Variants in GALNT13 observed in about 807,000 individuals in gnomAD.
The protein encoded by GALNT13 is polypeptide N-acetylgalactosaminyltransferase 13, also known as UDP-GalNAc:polypeptide N-acetylgalactosaminyltransferase 13.
In GALNT13, 28 loss-of-function variants were observed where a neutral mutation model predicts 64.2. That is an observed-to-expected ratio of 0.44 (90% CI 0.32 to 0.60). The LOEUF (loss-of-function observed/expected upper bound fraction) is 0.60. Among genes scored for constraint, GALNT13 ranks in the 20% least tolerant of loss-of-function variants. GALNT13 has a pLI of 0.05. For missense variants in GALNT13, 577 were observed against 669.8 expected (o/e 0.86, Z 1.53); for synonymous variants, 214 against 224.6 (o/e 0.95, Z 0.42).
At chr2:153,884,730 C>G (rs1248496447) in intron 1 of GALNT13, among the ~76,000 whole-genome samples, 2 of 146,906 alleles carry the variant, frequency 1.4e-5, no homozygotes, top group Non-Finnish European at 3.0e-5. Context: ...ACCAGCCTGG[C>G]CAACATGGTG....
intron 3 of GALNT13, among the ~76,000 whole-genome samples, chr2:153,964,086 G>A (rs768837623): frequency 6.6e-5 from 10 of 151,790 alleles, no homozygotes; most frequent in Non-Finnish European, 1.3e-4. Flanking sequence ...CCCCCCAAAA[G>A]AAACCCTCCA....
In GALNT13 at chr2:154,315,127, A is replaced by G. The variant is rs561935226; in HGVS notation, c.1156+13538A>G. Among the ~76,000 whole-genome samples, 125 of 152,312 alleles carry G rather than the reference A, an allele frequency of 8.2e-4. 1 individual carries two copies. Among genetic ancestry groups the G allele is most frequent in the Non-Finnish European group, 1.7e-3 (116 of 68,022 alleles). Reference sequence around the variant, plus strand: ...CCCTTTAAAATAGTCACTTATAAAAACAAAACAAACAAACAAACATACCAC... The same window carrying G: ...CCCTTTAAAATAGTCACTTATAAAAGCAAAACAAACAAACAAACATACCAC... On this transcript the variant is annotated intron_variant, in intron 9 of 12. Coordinates refer to ENST00000392825, the MANE Select transcript of GALNT13 (RefSeq NM_052917.4).
intron 4 of GALNT13, among the ~76,000 whole-genome samples, chr2:154,162,698 T>C (rs183583466): frequency 5.6e-4 from 85 of 152,328 alleles, no homozygotes; most frequent in African/African-American, 1.9e-3. Context: ...TTAAATACTG[T>C]AAGATTTTTA....
At position 154,199,696 on chromosome 2, in the gene GALNT13, C is replaced by T. The variant is rs1242281910; in HGVS notation, c.312-42334C>T. Among the ~76,000 whole-genome samples the T allele has an allele frequency of 1.3e-5, 2 of 151,886 alleles. 1 individual carries two copies. Among genetic ancestry groups the T allele is most frequent in the Middle Eastern group, 6.3e-3 (2 of 316 alleles). On this transcript the variant is annotated intron_variant, in intron 4 of 12. Transcript: ENST00000392825. The stretch of plus-strand genomic sequence containing the variant: ...TAAAAAAACAGTCTTATAATTATGT[C>T]ATAAAATTTGATTAGGGACATAAAA...
the GALNT13 span, among the ~76,000 whole-genome samples, chr2:153,145,611 A>G: frequency 2.6e-5 from 4 of 151,902 alleles, no homozygotes; most frequent in African/African-American, 9.7e-5. Flanking sequence ...GTGTGTGACT[A>G]TCAGGCACCT....
At chr2:154,021,289 G>A (rs866189312) in intron 3 of GALNT13, among the ~76,000 whole-genome samples, 65 of 152,230 alleles carry the variant, frequency 4.3e-4, no homozygotes, top group African/African-American at 1.4e-3. Context: ...AATTACCTTG[G>A]GCAGTATGGC....
At chr2:153,548,748 T>A in the GALNT13 span, among the ~76,000 whole-genome samples, 4 of 152,118 alleles carry the variant, frequency 2.6e-5, no homozygotes, top group Non-Finnish European at 5.9e-5. Context: ...TAATAGTATA[T>A]CAAGACTCAG....
intron 3 of GALNT13, among the ~76,000 whole-genome samples, chr2:153,997,846 A>G (rs1461127985): frequency 1.3e-5 from 2 of 151,786 alleles, no homozygotes; most frequent in Admixed American, 6.6e-5. Context: ...CCCTGTGTCC[A>G]TGTGTTCTCA....
chr2:154,092,419 T>C (rs1250390791), intron 3 of GALNT13, among the ~76,000 whole-genome samples: 2 of 152,044 alleles, frequency 1.3e-5, no homozygotes, highest in African/African-American at 4.8e-5. Flanking sequence ...AAATGAGATG[T>C]GCAAAATGCC....
chr2:153,316,083 A>G, the GALNT13 span, among the ~76,000 whole-genome samples: 1 of 152,026 alleles, frequency 6.6e-6, no homozygotes, highest in African/African-American at 2.4e-5. Flanking sequence ...GACATATCCC[A>G]CGGAGTAGTG....
At chr2:154,205,051 A>G (rs1024502899) in intron 4 of GALNT13, among the ~76,000 whole-genome samples, 3 of 152,182 alleles carry the variant, frequency 2.0e-5, no homozygotes, top group African/African-American at 4.8e-5. Flanking sequence ...AGATGAATAT[A>G]TGAAAGATGT....
At chr2:154,110,926 G>T (rs1055944319) in intron 3 of GALNT13, among the ~76,000 whole-genome samples, 1 of 151,958 alleles carries the variant, frequency 6.6e-6, no homozygotes, top group African/African-American at 2.4e-5. Context: ...CATCAATCCG[G>T]AACCCAAATA....
chr2:153,927,520 A>G (rs865842644), intron 2 of GALNT13, among the ~76,000 whole-genome samples: 5 of 151,946 alleles, frequency 3.3e-5, no homozygotes, highest in Admixed American at 2.0e-4. Context: ...ACTCCATTAT[A>G]TTAGTTGCTT....
At chr2:153,391,366 A>G in the GALNT13 span, among the ~76,000 whole-genome samples, 2 of 152,208 alleles carry the variant, frequency 1.3e-5, no homozygotes, top group South Asian at 2.1e-4. Flanking sequence ...ATGGGGGTAC[A>G]GTCAGTCGAG....
the GALNT13 span, among the ~76,000 whole-genome samples, chr2:153,150,452 T>G: frequency 6.6e-6 from 1 of 152,150 alleles, no homozygotes; most frequent in African/African-American, 2.4e-5. Flanking sequence ...TAGTTTCTTT[T>G]GCTGTGCAGA....
At chr2:153,799,851 G>C in the GALNT13 span, among the ~76,000 whole-genome samples, 1 of 152,106 alleles carries the variant, frequency 6.6e-6, no homozygotes, top group African/African-American at 2.4e-5. Context: ...CCTGAAATGA[G>C]GAAATGGAAC....
downstream of GALNT13, among the ~76,000 whole-genome samples, chr2:154,454,220 T>TAAG (rs1252009033): frequency 6.6e-6 from 1 of 152,158 alleles, no homozygotes; most frequent in Non-Finnish European, 1.5e-5. Context: ...TTATAGATAA[T>TAAG]AAGACTGAAA....
the GALNT13 span, among the ~76,000 whole-genome samples, chr2:153,647,512 T>C: frequency 8.5e-5 from 13 of 152,236 alleles, no homozygotes; most frequent in African/African-American, 2.9e-4. Context: ...GCCATTGCTT[T>C]TGGTGTATTA....
chr2:153,362,898 C>T, the GALNT13 span, among the ~76,000 whole-genome samples: 4 of 152,152 alleles, frequency 2.6e-5, no homozygotes, highest in East Asian at 7.7e-4. Context: ...GAGACATCTA[C>T]AGAACTCTCC....
Sources: allele counts gnomAD v4.1 joint callset (sites outside exome capture counted in the v4.1 genomes callset), GRCh38; gene constraint gnomAD v4.1.1; transcripts MANE v1.5; gene names NCBI Gene and HGNC (gene_info 2026-07-23, HGNC 2026-07-21).